Variants in ITIH5 observed in about 807,000 individuals in gnomAD.
ITIH5 encodes inter-alpha-trypsin inhibitor heavy chain H5.
A neutral mutation model predicts 77.5 loss-of-function variants in ITIH5; 65 were observed. The ratio of observed to expected loss-of-function variants is 0.84; its 90% CI spans 0.69 to 1.03. The LOEUF is 1.03. ITIH5 is among the 50% of genes least tolerant of loss of function. The pLI is 0.00. For missense variants in ITIH5, 1,208 were observed against 1,213.1 expected (o/e 1.00, Z 0.06); for synonymous variants, 525 against 494.3 (o/e 1.06, Z -0.82).
At chr10:7,648,407 T>C (rs1834040512) in intron 2 of ITIH5, among the ~76,000 whole-genome samples, 2 of 152,254 alleles carry the variant, frequency 1.3e-5, no homozygotes, top group African/African-American at 4.8e-5. Context: ...TTATCATCCA[T>C]TAAATTGTAC....
intron 5 of ITIH5, among the ~76,000 whole-genome samples, chr10:7,627,655 C>CA (rs1833606239): frequency 6.6e-6 from 1 of 151,942 alleles, no homozygotes; most frequent in Non-Finnish European, 1.5e-5. Context: ...GGTTAGTACC[C>CA]AGTCCTTTTA....
At chr10:7,622,016 C>T (rs1833481780) in intron 5 of ITIH5, 1 of 152,256 alleles carries the variant, frequency 6.6e-6, no homozygotes, top group African/African-American at 2.4e-5. Flanking sequence ...GCTGGAGCAG[C>T]TGCTCCGATT....
chr10:7,642,053 G>T lies in ITIH5; in HGVS notation c.173C>A (p.Ser58Tyr). 6.2e-7 allele frequency: 1 copy of T among 1,614,066 alleles called. No homozygotes were observed. Among genetic ancestry groups the T allele is most frequent in the Non-Finnish European group, 8.5e-7 (1 of 1,179,940 alleles). The part of the protein sequence containing the change: ...KPLMTEFSVK[S>Y]TIISRYAFTT... ...GAAGGCATAACGGGAAATGATGGTA[G>T]ACTTCACTGAGAATTCTGTCATCAA... Residue 58 changes from serine (S) to tyrosine (Y), a missense_variant, in exon 3 of 14, where the codon TCT becomes TAT. Coordinates refer to ENST00000397146, the MANE Select transcript of ITIH5 (RefSeq NM_030569.7).
chr10:7,621,987 T>C (rs1200531596), intron 5 of ITIH5: 1 of 152,242 alleles, frequency 6.6e-6, no homozygotes, highest in Non-Finnish European at 1.5e-5. Context: ...TCTCTCCTTC[T>C]TGCCCACTTC....
chr10:7,644,303 AT>A (rs1833935649), intron 2 of ITIH5, among the ~76,000 whole-genome samples: 1 of 148,906 alleles, frequency 6.7e-6, no homozygotes, highest in African/African-American at 2.5e-5. Flanking sequence ...TATATCATAC[AT>A]ATCACATATA....
chr10:7,583,391 G>A (rs1215266174), intron 8 of ITIH5, among the ~76,000 whole-genome samples: 1 of 152,188 alleles, frequency 6.6e-6, no homozygotes, highest in East Asian at 1.9e-4. Flanking sequence ...GGAGTGCAGT[G>A]GTGCGATCTC....
chr10:7,571,931 T>G, intron 11 of ITIH5: 1 of 985,002 alleles, frequency 1.0e-6, no homozygotes, highest in Non-Finnish European at 1.2e-6. Flanking sequence ...AGAGGACAAC[T>G]GTCTAGCTCA....
chr10:7,643,194 C>T (rs1833916972), intron 2 of ITIH5, among the ~76,000 whole-genome samples: 1 of 152,156 alleles, frequency 6.6e-6, no homozygotes, highest in South Asian at 2.1e-4. Flanking sequence ...CAAGAGCCCT[C>T]ATCAAAACCC....
intron 8 of ITIH5, among the ~76,000 whole-genome samples, chr10:7,583,762 C>T (rs775967819): frequency 6.6e-6 from 1 of 152,150 alleles, no homozygotes; most frequent in African/African-American, 2.4e-5. Context: ...CACTTTAAAG[C>T]CAAGGAGAGC....
intron 10 of ITIH5, among the ~76,000 whole-genome samples, chr10:7,575,773 T>C (rs551980584): frequency 6.6e-6 from 1 of 152,298 alleles, no homozygotes; most frequent in South Asian, 2.1e-4. Context: ...TCTGAAGTGC[T>C]TGAAAATATA....
chr10:7,627,067 G>A (rs1459766265), intron 5 of ITIH5, among the ~76,000 whole-genome samples: 4 of 152,116 alleles, frequency 2.6e-5, no homozygotes, highest in Non-Finnish European at 5.9e-5. Flanking sequence ...GAAGACAACC[G>A]AAGTCTTCAC....
intron 5 of ITIH5, among the ~76,000 whole-genome samples, chr10:7,623,217 C>T (rs754892574): frequency 6.6e-6 from 1 of 152,120 alleles, no homozygotes. Flanking sequence ...TGGCTGCTGT[C>T]GGAGAAAAGC....
At chr10:7,634,812 C>A (rs1284668187) in intron 5 of ITIH5, among the ~76,000 whole-genome samples, 1 of 152,178 alleles carries the variant, frequency 6.6e-6, no homozygotes. Context: ...AGATACTCTA[C>A]CCTCCTTACG....
intron 3 of ITIH5, among the ~76,000 whole-genome samples, chr10:7,641,184 A>G (rs537718980): frequency 3.3e-5 from 5 of 152,272 alleles, no homozygotes; most frequent in Admixed American, 2.0e-4. Flanking sequence ...CCCGTTTTAC[A>G]TATCTTTACT....
At chr10:7,633,212 C>T (rs1052697223) in intron 5 of ITIH5, among the ~76,000 whole-genome samples, 8 of 152,166 alleles carry the variant, frequency 5.3e-5, no homozygotes, top group African/African-American at 1.4e-4. Flanking sequence ...TGTATTTCAC[C>T]GTATACCAAT....
intron 2 of ITIH5, 53 bp downstream of exon 2, chr10:7,655,578 T>C: frequency 2.8e-6 from 4 of 1,437,576 alleles, no homozygotes; most frequent in Non-Finnish European, 3.9e-6. Flanking sequence ...TGGTTCAAAA[T>C]AAATAGAAGA....
At chr10:7,631,658 T>G (rs185827782) in intron 5 of ITIH5, among the ~76,000 whole-genome samples, 2 of 152,158 alleles carry the variant, frequency 1.3e-5, no homozygotes, top group African/African-American at 4.8e-5. Context: ...ACCAACCACA[T>G]AATTCTACAC....
At chr10:7,651,174 G>T (rs78369378) in intron 2 of ITIH5, among the ~76,000 whole-genome samples, 5 of 147,930 alleles carry the variant, frequency 3.4e-5, no homozygotes, top group Non-Finnish European at 6.0e-5. Context: ...TGGAAAGACC[G>T]TCCCTCCCAG....
At chr10:7,624,305 CG>C (rs1833521518) in intron 5 of ITIH5, among the ~76,000 whole-genome samples, 2 of 150,286 alleles carry the variant, frequency 1.3e-5, no homozygotes, top group Non-Finnish European at 3.0e-5. Flanking sequence ...GTGGGGAGGT[CG>C]AGACCAGCCT....
Sources: gnomAD v4.1 joint callset for allele counts (sites outside exome capture counted in the v4.1 genomes callset) on GRCh38, gnomAD v4.1.1 for gene constraint, MANE v1.5 for transcripts, NCBI Gene and HGNC (gene_info 2026-07-23, HGNC 2026-07-21) for gene names.